ADGRL3: variants seen among roughly 807,000 people sequenced by gnomAD.
ADGRL3 encodes calcium-independent alpha-latrotoxin receptor 3.
Under a neutral mutation model 153.5 loss-of-function variants are expected in ADGRL3, and 62 were observed. The observed-to-expected ratio is 0.40, with a 90% CI of 0.33 to 0.50. The LOEUF is 0.50. ADGRL3 is among the 20% of genes least tolerant of loss of function. The pLI is 0.47. For missense variants in ADGRL3, 1,641 were observed against 1,859.4 expected, an observed-to-expected ratio of 0.88 and a Z score of 2.16; for synonymous variants, 710 against 672.5, an observed-to-expected ratio of 1.06 and a Z score of -0.86.
At chr4:61,794,133 A>G (rs998102916) in intron 8 of ADGRL3, among the ~76,000 whole-genome samples, 2 of 152,228 alleles carry the variant, frequency 1.3e-5, no homozygotes, top group Non-Finnish European at 2.9e-5. Context: ...TGAGAGAACC[A>G]GGTAGATCAT....
chr4:61,543,246 T>C (rs1015877114), intron 4 of ADGRL3, among the ~76,000 whole-genome samples: 1 of 151,142 alleles, frequency 6.6e-6, no homozygotes, highest in African/African-American at 2.4e-5. Flanking sequence ...GTGATTAAAT[T>C]AAGGACATTG....
chr4:61,462,751 A>C (rs1579001847), intron 2 of ADGRL3, among the ~76,000 whole-genome samples: 1 of 152,204 alleles, frequency 6.6e-6, no homozygotes, highest in East Asian at 1.9e-4. Context: ...TTGGGCAATC[A>C]GCCTAGCCAG....
chr4:61,899,348 A>AT (rs964539941), intron 11 of ADGRL3, among the ~76,000 whole-genome samples: 11 of 151,224 alleles, frequency 7.3e-5, no homozygotes, highest in Admixed American at 2.6e-4. Flanking sequence ...TCTGCAACTG[A>AT]TTTTTTTCCT....
intron 2 of ADGRL3, among the ~76,000 whole-genome samples, chr4:61,415,518 C>T (rs2152296597): frequency 6.6e-6 from 1 of 152,098 alleles, no homozygotes; most frequent in South Asian, 2.1e-4. Flanking sequence ...ATGATCTTTA[C>T]CATCTACCAC....
At chr4:61,451,840 G>A (rs974134370) in intron 2 of ADGRL3, among the ~76,000 whole-genome samples, 5 of 152,070 alleles carry the variant, frequency 3.3e-5, no homozygotes, top group African/African-American at 4.8e-5. Flanking sequence ...TTTTATTTTA[G>A]TGGAATAAGA....
chr4:61,207,733 T>A (rs1737981251), intron 1 of ADGRL3, among the ~76,000 whole-genome samples: 1 of 152,188 alleles, frequency 6.6e-6, no homozygotes, highest in African/African-American at 2.4e-5. Flanking sequence ...TTTTTAATGA[T>A]CACCATTCTA....
At chr4:61,882,138 C>T (rs183586315) in intron 9 of ADGRL3, among the ~76,000 whole-genome samples, 2 of 152,170 alleles carry the variant, frequency 1.3e-5, no homozygotes, top group East Asian at 3.9e-4. Context: ...TCGTACTGTT[C>T]GAGGTCAGTA....
chr4:61,973,629 T>C (rs1486200754), intron 17 of ADGRL3, among the ~76,000 whole-genome samples: 11 of 152,124 alleles, frequency 7.2e-5, no homozygotes, highest in Admixed American at 7.2e-4. Flanking sequence ...TCCTCTGATT[T>C]TTCTCTCACA....
intron 4 of ADGRL3, among the ~76,000 whole-genome samples, chr4:61,548,539 C>A (rs1443439922): frequency 6.6e-6 from 1 of 151,932 alleles, no homozygotes; most frequent in Non-Finnish European, 1.5e-5. Context: ...AATAGGGAGT[C>A]CTTTCCCTGT....
rs182018294 is a variant in ADGRL3 at position 61,241,121 on chromosome 4, C to T, written c.-240+39356C>T. Among the ~76,000 whole-genome samples the T allele has an allele frequency of 5.2e-3, 786 of 151,596 alleles. 6 individuals are homozygous for T. Among genetic ancestry groups the T allele is most frequent in the African/African-American group, 0.018 (758 of 41,350 alleles). On this transcript the variant is annotated intron_variant, in intron 1 of 26. Transcript: ENST00000683033. ...TATAAAACATTGTGCAGATTTATAGCGAAGGTATAAATCTTTTATAATTCC... is the reference window on the plus strand; with the variant it reads ...TATAAAACATTGTGCAGATTTATAGTGAAGGTATAAATCTTTTATAATTCC...
At chr4:61,972,105 G>C (rs1305383734) in intron 17 of ADGRL3, among the ~76,000 whole-genome samples, 2 of 151,888 alleles carry the variant, frequency 1.3e-5, no homozygotes, top group African/African-American at 4.8e-5. Flanking sequence ...CATTTTGTAG[G>C]TTGCCTGTTC....
intron 1 of ADGRL3, among the ~76,000 whole-genome samples, chr4:61,352,863 G>A (rs1310977771): frequency 6.6e-6 from 1 of 152,078 alleles, no homozygotes; most frequent in Non-Finnish European, 1.5e-5. Context: ...ACTTTCAGTG[G>A]CAACAGCCAC....
intron 19 of ADGRL3, among the ~76,000 whole-genome samples, chr4:61,991,948 T>A (rs1451064444): frequency 1.3e-5 from 2 of 148,656 alleles, no homozygotes; most frequent in African/African-American, 4.9e-5. Flanking sequence ...ATATATAATA[T>A]ACATATATAA....
chr4:61,600,227 G>A (rs1302778934), intron 5 of ADGRL3, among the ~76,000 whole-genome samples: 1 of 150,998 alleles, frequency 6.6e-6, no homozygotes. Flanking sequence ...AGAATCGCTT[G>A]GACCTGGGAG....
chr4:61,372,402 G>A (rs1578495975), intron 1 of ADGRL3, among the ~76,000 whole-genome samples: 1 of 151,746 alleles, frequency 6.6e-6, no homozygotes, highest in South Asian at 2.1e-4. Context: ...GTACAGATGG[G>A]TTTTTGGTGT....
At chr4:61,544,125 C>T (rs569029911) in intron 4 of ADGRL3, among the ~76,000 whole-genome samples, 8 of 152,192 alleles carry the variant, frequency 5.3e-5, no homozygotes, top group Non-Finnish European at 1.0e-4. Flanking sequence ...AGATTATACA[C>T]ATAGGTAACT....
intron 4 of ADGRL3, among the ~76,000 whole-genome samples, chr4:61,570,381 A>G (rs2098833605): frequency 6.6e-6 from 1 of 152,130 alleles, no homozygotes; most frequent in African/African-American, 2.4e-5. Context: ...AACATAATAT[A>G]ATCCAAACTT....
At chr4:61,726,210 G>GTTTTTTTTTTTTTT (rs149472429) in intron 6 of ADGRL3, among the ~76,000 whole-genome samples, 4 of 118,520 alleles carry the variant, frequency 3.4e-5, no homozygotes, top group Admixed American at 1.0e-4. Context: ...TTTTTTTTTT[G>GTTTTTTTTTTTTTT]TTTTTTGAGA....
intron 6 of ADGRL3, among the ~76,000 whole-genome samples, chr4:61,723,869 C>A (rs2096281781): frequency 6.6e-6 from 1 of 152,104 alleles, no homozygotes; most frequent in African/African-American, 2.4e-5. Context: ...TTTCTCCATA[C>A]CTAAAATAAT....
Sources: allele counts gnomAD v4.1 joint callset (sites outside exome capture counted in the v4.1 genomes callset), GRCh38; gene constraint gnomAD v4.1.1; transcripts MANE v1.5; gene names NCBI Gene and HGNC (gene_info 2026-07-23, HGNC 2026-07-21).